NUP160: variants seen among roughly 807,000 people sequenced by gnomAD.
NUP160 encodes nucleoporin 160.
NUP160 carries 94 observed loss-of-function variants against 196.9 expected under a neutral mutation model. The ratio of observed to expected loss-of-function variants is 0.48; its 90% CI spans 0.40 to 0.57. The LOEUF is 0.57. Ranked by LOEUF, NUP160 falls within the 20% of genes least tolerant of loss-of-function variation. The pLI is 0.00. For synonymous variants in NUP160, 605 were observed against 619.7 expected, an observed-to-expected ratio of 0.98 and a Z score of 0.35; for missense variants, 1,638 against 1,748.3, an observed-to-expected ratio of 0.94 and a Z score of 1.13.
chr11:47,797,841 A>G (rs1314160991), exon 27 of NUP160: 3 of 1,613,168 alleles, frequency 1.9e-6, no homozygotes, highest in Non-Finnish European at 1.7e-6. Flanking sequence ...ATTGTGAGTC[A>G]TAAGGTCCAC....
At chr11:47,844,093 C>T (rs533246308) in intron 2 of NUP160, among the ~76,000 whole-genome samples, 1 of 152,300 alleles carries the variant, frequency 6.6e-6, no homozygotes, top group East Asian at 1.9e-4. Context: ...CTGTATACTC[C>T]CCATCCAATG....
In NUP160 at chr11:47,806,998, A is replaced by G. The variant is rs2097678131; in HGVS notation, c.2446+72T>C. 4 of 1,158,704 alleles carry G rather than the reference A, an allele frequency of 3.5e-6. No individual in the cohort carries two copies. In the Admixed American group the frequency reaches 7.5e-5, roughly 22 times the overall value. The allele number at this position is 1,158,704 out of a possible 1,614,324, so 71.8% of individuals were successfully genotyped here. A position where few individuals can be genotyped will look rare whatever the true frequency, so the allele number is the denominator to read the frequency against. ...CCAACCTTTCTATGGCAAAGGTGGC[A>G]AAAGACCACTTTAATGAATATGCAA... On this transcript the variant is annotated intron_variant, in intron 19 of 35. Transcript: ENST00000378460.
intron 34 of NUP160, 22 bp from the exon 35 acceptor site, chr11:47,780,469 G>C: frequency 6.7e-7 from 1 of 1,499,394 alleles, no homozygotes; most frequent in Non-Finnish European, 9.3e-7. Context: ...ATGTTTATTT[G>C]AAAACAGTCT....
intron 29 of NUP160, 73 bp downstream of exon 29, chr11:47,791,857 C>T: frequency 2.0e-6 from 2 of 996,166 alleles, no homozygotes; most frequent in Non-Finnish European, 3.1e-6. Flanking sequence ...CTACATATTT[C>T]TATCATAATA....
chr11:47,798,131 G>T, intron 25 of NUP160, 37 bp downstream of exon 25: 1 of 1,552,998 alleles, frequency 6.4e-7, no homozygotes, highest in Non-Finnish European at 8.9e-7. Flanking sequence ...AAACAGAGTT[G>T]GTAAATTGTC....
In NUP160 at chr11:47,814,096, A is replaced by G. The variant is rs777235942; in HGVS notation, c.1687-681T>C. Among the ~76,000 whole-genome samples the G allele has an allele frequency of 3.8e-3, 502 of 132,298 alleles. 1 individual carries two copies. Among genetic ancestry groups the G allele is most frequent in the Non-Finnish European group, 5.7e-3 (347 of 60,868 alleles). The allele number at this position is 132,298 out of a possible 152,430, so 86.8% of individuals were successfully genotyped here. A position where few individuals can be genotyped will look rare whatever the true frequency, so the allele number is the denominator to read the frequency against. ...AAAAAAAAAAAAAAAAAAAAAAAAG[A>G]GTGCCACTGTACTGCAGCCTGGGTG... On this transcript the variant is annotated intron_variant, in intron 13 of 35. Transcript: ENST00000378460.
intron 29 of NUP160, among the ~76,000 whole-genome samples, chr11:47,790,024 C>G (rs2097667015): frequency 3.3e-5 from 5 of 151,028 alleles, no homozygotes; most frequent in African/African-American, 1.2e-4. Flanking sequence ...CGGCTCACTG[C>G]AACCTCTCCC....
chr11:47,845,319 T>C (rs1280965474), intron 2 of NUP160, among the ~76,000 whole-genome samples: 1 of 152,152 alleles, frequency 6.6e-6, no homozygotes, highest in East Asian at 1.9e-4. Flanking sequence ...TTTGTATTTT[T>C]AGTAGAGACA....
intron 17 of NUP160, among the ~76,000 whole-genome samples, chr11:47,810,599 T>A (rs1381521121): frequency 6.6e-6 from 1 of 150,836 alleles, no homozygotes; most frequent in African/African-American, 2.4e-5. Context: ...CACGCTGGAG[T>A]GCAGTGGTGC....
At chr11:47,788,131 G>T (rs1200556990) in intron 31 of NUP160, 51 bp downstream of exon 31, 7 of 1,480,994 alleles carry the variant, frequency 4.7e-6, no homozygotes, top group Non-Finnish European at 4.7e-6. Context: ...TGAGCAAGAG[G>T]ATAATATATT....
At chr11:47,833,590 T>G (rs1252328611) in intron 7 of NUP160, among the ~76,000 whole-genome samples, 1 of 152,212 alleles carries the variant, frequency 6.6e-6, no homozygotes. Context: ...TCCACTAACA[T>G]GAACTCCAGA....
intron 14 of NUP160, 117 bp downstream of exon 14, chr11:47,813,199 G>A: frequency 1.0e-6 from 1 of 979,250 alleles, no homozygotes; most frequent in African/African-American, 1.6e-5. Flanking sequence ...AAATATTTGT[G>A]GTGTGGTAAA....
intron 34 of NUP160, 84 bp from the exon 35 acceptor site, chr11:47,780,531 T>G: frequency 1.4e-6 from 1 of 707,436 alleles, no homozygotes; most frequent in Non-Finnish European, 2.2e-6. Context: ...CTCTGTAGAA[T>G]AAAATACCCT....
At position 47,792,106 on chromosome 11, in the gene NUP160, C is replaced by T. The variant is rs184087929; in HGVS notation, c.3451-116G>A. On this transcript the variant is annotated intron_variant, in intron 28 of 35. Coordinates refer to ENST00000378460, the Ensembl canonical transcript of NUP160. The stretch of plus-strand genomic sequence containing the variant: ...TTCTCAATGGAAATTATTTTTGTTT[C>T]GACCAGCAGAGCTCTTCTTACAGAG... 1.5e-4 allele frequency: 103 copies of T among 681,214 alleles called. 1 individual carries two copies. The Admixed American group carries it at 1.7e-3, about 11-fold the overall frequency. 42.2% of individuals were successfully genotyped at this position (681,214 alleles called of 1,614,324 possible).
intron 23 of NUP160, among the ~76,000 whole-genome samples, chr11:47,801,567 C>G (rs867394661): frequency 3.3e-5 from 5 of 152,154 alleles, no homozygotes; most frequent in Middle Eastern, 3.2e-3. Flanking sequence ...CCAGGCTGGT[C>G]TCAAACTCCT....
At chr11:47,831,515 C>T (rs1464483367) in intron 7 of NUP160, among the ~76,000 whole-genome samples, 3 of 152,180 alleles carry the variant, frequency 2.0e-5, no homozygotes, top group African/African-American at 7.2e-5. Flanking sequence ...AAACCACCTT[C>T]GCAAAAATCA....
intron 27 of NUP160, chr11:47,796,440 C>A: frequency 6.7e-6 from 2 of 299,288 alleles, no homozygotes; most frequent in South Asian, 1.4e-4. Flanking sequence ...ATCATGATGT[C>A]TTTAACTTCC....
intron 7 of NUP160, among the ~76,000 whole-genome samples, chr11:47,823,141 T>C (rs1243887468): frequency 1.3e-5 from 2 of 152,166 alleles, no homozygotes; most frequent in Non-Finnish European, 2.9e-5. Context: ...CCTGAAAGTA[T>C]AGTCTTCAAA....
At chr11:47,778,244 A>G (rs2097658698) in exon 36 of NUP160, 1 of 152,506 alleles carries the variant, frequency 6.6e-6, no homozygotes, top group Non-Finnish European at 1.5e-5. Flanking sequence ...CTTAAAAGAT[A>G]AATTTTAATA....
Sources: allele counts gnomAD v4.1 joint callset (sites outside exome capture counted in the v4.1 genomes callset), GRCh38; gene constraint gnomAD v4.1.1; transcripts MANE v1.5; gene names NCBI Gene and HGNC (gene_info 2026-07-23, HGNC 2026-07-21).